NLGN1: variants seen among roughly 807,000 people sequenced by gnomAD.
NLGN1 encodes the protein neuroligin-1.
In NLGN1, 12 loss-of-function variants were observed where a neutral mutation model predicts 65.5. The ratio of observed to expected loss-of-function variants is 0.18; its 90% CI spans 0.12 to 0.30. The LOEUF (loss-of-function observed/expected upper bound fraction) is 0.30. Among genes scored for constraint, NLGN1 ranks in the 10% least tolerant of loss-of-function variants. The pLI is 1.00. For synonymous variants in NLGN1, 350 were observed against 359.5 expected, an observed-to-expected ratio of 0.97 and a Z score of 0.30; for missense variants, 750 against 1,007.1, an observed-to-expected ratio of 0.74 and a Z score of 3.46.
intron 4 of NLGN1, among the ~76,000 whole-genome samples, chr3:173,820,832 A>G (rs987860537): frequency 2.6e-5 from 4 of 152,310 alleles, no homozygotes; most frequent in Non-Finnish European, 5.9e-5. Flanking sequence ...CACTTTATAT[A>G]GATAATAGGC....
rs1034382517 is a variant in NLGN1, at chr3:173,911,734, G to C, written c.646+103902G>C. On this transcript the variant is annotated intron_variant, in intron 4 of 6. Coordinates refer to ENST00000457714, the Ensembl canonical transcript of NLGN1. The stretch of plus-strand genomic sequence containing the variant: ...ACTGTTTGCAGTGAAAAGGAAGAGA[G>C]AGCATTGATACTTGTTGAAAAGGCA... 3.0e-4 allele frequency among the ~76,000 whole-genome samples: 46 copies of C among 152,174 alleles called. 1 individual carries two copies. Among genetic ancestry groups the C allele is most frequent in the African/African-American group, 1.0e-3 (43 of 41,446 alleles).
chr3:174,241,027 G>A (rs1742702400), intron 4 of NLGN1, among the ~76,000 whole-genome samples: 1 of 152,030 alleles, frequency 6.6e-6, no homozygotes, highest in African/African-American at 2.4e-5. Flanking sequence ...TAGTCATTAA[G>A]TAAGTAGTCA....
At chr3:173,447,819 G>T (rs535222196) in intron 2 of NLGN1, among the ~76,000 whole-genome samples, 1 of 152,232 alleles carries the variant, frequency 6.6e-6, no homozygotes, top group East Asian at 1.9e-4. Context: ...TCTCTTTGAA[G>T]CAGTTGTGAA....
At chr3:173,489,042 C>A (rs1353433439) in intron 2 of NLGN1, among the ~76,000 whole-genome samples, 1 of 151,536 alleles carries the variant, frequency 6.6e-6, no homozygotes, top group Non-Finnish European at 1.5e-5. Flanking sequence ...CCCCTGTTCA[C>A]TCCTTTCTCA....
chr3:173,794,109 A>C (rs1713441561), intron 3 of NLGN1, among the ~76,000 whole-genome samples: 1 of 151,504 alleles, frequency 6.6e-6, no homozygotes, highest in South Asian at 2.1e-4. Flanking sequence ...ACCTCCTCAT[A>C]CCCAGCCCTT....
At chr3:173,578,395 G>A (rs1417516024) in intron 2 of NLGN1, among the ~76,000 whole-genome samples, 1 of 151,852 alleles carries the variant, frequency 6.6e-6, no homozygotes, top group East Asian at 1.9e-4. Flanking sequence ...TTTTAATTAT[G>A]TAATTAGCAT....
intron 2 of NLGN1, among the ~76,000 whole-genome samples, chr3:173,574,456 T>C (rs1230453246): frequency 2.6e-5 from 4 of 152,026 alleles, no homozygotes; most frequent in African/African-American, 9.7e-5. Flanking sequence ...ATTTTATATT[T>C]AAATAATTTA....
intron 3 of NLGN1, among the ~76,000 whole-genome samples, chr3:173,622,361 G>A (rs1425687269): frequency 1.3e-5 from 2 of 152,170 alleles, no homozygotes; most frequent in East Asian, 1.9e-4. Context: ...AAGTACAGAT[G>A]GGACTGGTTA....
At chr3:173,788,700 A>T (rs1300929551) in intron 3 of NLGN1, among the ~76,000 whole-genome samples, 1 of 152,044 alleles carries the variant, frequency 6.6e-6, no homozygotes, top group Non-Finnish European at 1.5e-5. Flanking sequence ...TTGAGCTTGT[A>T]GTTCCAGCTG....
intron 4 of NLGN1, among the ~76,000 whole-genome samples, chr3:174,128,104 C>T (rs886180274): frequency 6.6e-5 from 10 of 152,076 alleles, no homozygotes; most frequent in Non-Finnish European, 8.8e-5. Flanking sequence ...ACCATTGCTA[C>T]GAAACCTCCT....
At chr3:174,282,419 A>G (rs916769743) in exon 7 of NLGN1, 1 of 152,230 alleles carries the variant, frequency 6.6e-6, no homozygotes, top group African/African-American at 2.4e-5. Flanking sequence ...GCTGCATGAC[A>G]AAATGTTTAC....
chr3:173,520,059 G>A (rs543719342), intron 2 of NLGN1, among the ~76,000 whole-genome samples: 3 of 152,280 alleles, frequency 2.0e-5, no homozygotes, highest in Admixed American at 2.0e-4. Flanking sequence ...GTTTAAAAGT[G>A]TGTAGCACCT....
intron 4 of NLGN1, among the ~76,000 whole-genome samples, chr3:174,161,867 A>T (rs897048613): frequency 2.0e-5 from 3 of 151,820 alleles, no homozygotes; most frequent in African/African-American, 7.2e-5. Context: ...TTCTATATGT[A>T]TTGAAAGAAA....
intron 2 of NLGN1, among the ~76,000 whole-genome samples, chr3:173,490,791 C>T (rs1183895960): frequency 6.6e-6 from 1 of 152,162 alleles, no homozygotes; most frequent in East Asian, 1.9e-4. Flanking sequence ...TTGTAGTTCT[C>T]CTTGAAGAGG....
At chr3:173,689,714 G>T (rs189809874) in intron 3 of NLGN1, among the ~76,000 whole-genome samples, 1 of 152,066 alleles carries the variant, frequency 6.6e-6, no homozygotes, top group Non-Finnish European at 1.5e-5. Flanking sequence ...TATCTGTAAC[G>T]AATCCAGATC....
intron 4 of NLGN1, among the ~76,000 whole-genome samples, chr3:173,825,595 A>C (rs888150892): frequency 6.6e-6 from 1 of 152,100 alleles, no homozygotes; most frequent in African/African-American, 2.4e-5. Flanking sequence ...CATAGTTCCC[A>C]ACGAAATTAG....
At chr3:173,750,477 A>G (rs1311996786) in intron 3 of NLGN1, among the ~76,000 whole-genome samples, 1 of 152,088 alleles carries the variant, frequency 6.6e-6, no homozygotes. Flanking sequence ...GCATTGTCAG[A>G]GTATTCTATT....
chr3:174,084,214 A>G (rs1050896521), intron 4 of NLGN1, among the ~76,000 whole-genome samples: 1 of 152,200 alleles, frequency 6.6e-6, no homozygotes, highest in African/African-American at 2.4e-5. Flanking sequence ...AACAATACAG[A>G]AATTCTAAAT....
At chr3:174,283,988 A>G (rs1751841589) in exon 7 of NLGN1, 1 of 151,394 alleles carries the variant, frequency 6.6e-6, no homozygotes. Flanking sequence ...TCTATTAAAT[A>G]GTATGTTTTA....
Sources: allele counts gnomAD v4.1 joint callset (sites outside exome capture counted in the v4.1 genomes callset), GRCh38; gene constraint gnomAD v4.1.1; transcripts MANE v1.5; gene names NCBI Gene and HGNC (gene_info 2026-07-23, HGNC 2026-07-21).